Variants in GTF2F2 observed in about 807,000 individuals in gnomAD.
GTF2F2 encodes the protein general transcription factor IIF subunit 2, also known as ATP-dependent helicase GTF2F2.
Under a neutral mutation model 42.2 loss-of-function variants are expected in GTF2F2, and 23 were observed. That is an observed-to-expected ratio of 0.55 (90% CI 0.39 to 0.77). The LOEUF is 0.77. GTF2F2 is among the 30% of genes least tolerant of loss of function. The probability of loss-of-function intolerance (pLI) is 0.00; values close to 1 mark genes in which losing one functional copy is unlikely to be tolerated. For synonymous variants in GTF2F2, 105 were observed against 100.8 expected (o/e 1.04, Z -0.25); for missense variants, 261 against 287.2 (o/e 0.91, Z 0.66).
intron 5 of GTF2F2, among the ~76,000 whole-genome samples, chr13:45,249,224 A>G (rs1875771988): frequency 6.6e-6 from 1 of 152,204 alleles, no homozygotes; most frequent in Non-Finnish European, 1.5e-5. Context: ...AAAGCGAGTT[A>G]AAGTATTTTA....
chr13:45,144,227 T>C (rs1870077256), intron 2 of GTF2F2, among the ~76,000 whole-genome samples: 1 of 152,066 alleles, frequency 6.6e-6, no homozygotes, highest in Non-Finnish European at 1.5e-5. Flanking sequence ...CACTCCAGCT[T>C]GGTCAACAAG....
intron 2 of GTF2F2, among the ~76,000 whole-genome samples, chr13:45,139,116 G>A (rs1417417607): frequency 6.6e-6 from 1 of 152,152 alleles, no homozygotes; most frequent in Non-Finnish European, 1.5e-5. Context: ...AGAAGATTCT[G>A]AGCTTTAAGA....
chr13:45,238,258 A>G (rs1300497385), intron 5 of GTF2F2, among the ~76,000 whole-genome samples: 3 of 152,104 alleles, frequency 2.0e-5, no homozygotes, highest in East Asian at 1.9e-4. Flanking sequence ...CCCGGCCTGA[A>G]AAGTTTTTAA....
At chr13:45,147,992 A>G (rs1308304744) in intron 2 of GTF2F2, among the ~76,000 whole-genome samples, 3 of 152,060 alleles carry the variant, frequency 2.0e-5, no homozygotes, top group Non-Finnish European at 2.9e-5. Context: ...GTTGTTTATG[A>G]TTGGACGTGT....
intron 2 of GTF2F2, among the ~76,000 whole-genome samples, chr13:45,140,271 G>T (rs919263407): frequency 6.6e-6 from 1 of 152,076 alleles, no homozygotes; most frequent in Admixed American, 6.6e-5. Context: ...AATATTTTCA[G>T]TCTGCAGTTG....
At chr13:45,249,054 C>A (rs774526099) in intron 5 of GTF2F2, among the ~76,000 whole-genome samples, 21 of 152,052 alleles carry the variant, frequency 1.4e-4, no homozygotes, top group Non-Finnish European at 1.6e-4. Context: ...CCTAGATAAA[C>A]CTTACCTTGA....
In GTF2F2 at chr13:45,212,455, C is replaced by CTTTTCT. The variant is rs1555269184; in HGVS notation, c.386+4953_386+4954insTCTTTT. On this transcript the variant is annotated intron_variant, in intron 5 of 7. Transcript: ENST00000340473. ...TTCTTTCTTTCTTTCTTGTTTCTTT[C>CTTTTCT]TTTCTTTCTTTCTTTCTTTCTTTCT... Among the ~76,000 whole-genome samples the CTTTTCT allele has an allele frequency of 1.6e-3, 155 of 96,644 alleles. 7 individuals carry two copies. Among genetic ancestry groups the CTTTTCT allele is most frequent in the Non-Finnish European group, 2.2e-3 (104 of 47,104 alleles). 63.4% of individuals were successfully genotyped at this position (96,644 alleles called of 152,430 possible).
intron 5 of GTF2F2, among the ~76,000 whole-genome samples, chr13:45,228,785 C>T (rs111390663): frequency 0.013 from 1,990 of 150,270 alleles, 19 homozygotes; most frequent in Middle Eastern, 0.028. Context: ...ATTCTCCTGC[C>T]TCATCCTCCC....
At chr13:45,228,283 C>CCTTTTTT (rs1874468398) in intron 5 of GTF2F2, among the ~76,000 whole-genome samples, 1 of 92,708 alleles carries the variant, frequency 1.1e-5, no homozygotes, top group Non-Finnish European at 2.1e-5. Flanking sequence ...CAGAGTTAAT[C>CCTTTTTT]TTTTTTTTTT....
At chr13:45,234,349 A>G (rs1874840136) in intron 5 of GTF2F2, among the ~76,000 whole-genome samples, 1 of 151,976 alleles carries the variant, frequency 6.6e-6, no homozygotes, top group Admixed American at 6.6e-5. Flanking sequence ...CTAGCAGTGC[A>G]CATAAAATAA....
At chr13:45,193,866 A>C in intron 4 of GTF2F2, 2 of 1,614,144 alleles carry the variant, frequency 1.2e-6, no homozygotes, top group Non-Finnish European at 1.7e-6. Flanking sequence ...GTCTAAAGCC[A>C]CACTTTAAAG....
intron 4 of GTF2F2, among the ~76,000 whole-genome samples, chr13:45,202,440 G>GTGTGT (rs1566133778): frequency 9.2e-5 from 14 of 151,620 alleles, no homozygotes; most frequent in Admixed American, 5.3e-4. Context: ...CATCTGAGTG[G>GTGTGT]GTGTGTGTGT....
chr13:45,265,421 T>C (rs1258564169), intron 6 of GTF2F2, among the ~76,000 whole-genome samples: 1 of 152,174 alleles, frequency 6.6e-6, no homozygotes, highest in Non-Finnish European at 1.5e-5. Flanking sequence ...TCTAATCATT[T>C]TAATCCATTT....
intron 4 of GTF2F2, among the ~76,000 whole-genome samples, chr13:45,160,244 A>G (rs2138130916): frequency 6.6e-6 from 1 of 152,344 alleles, no homozygotes; most frequent in South Asian, 2.1e-4. Context: ...CTACTTCTGT[A>G]TTCAATCTGT....
chr13:45,259,579 T>TC, intron 6 of GTF2F2, among the ~76,000 whole-genome samples: 1 of 150,736 alleles, frequency 6.6e-6, no homozygotes, highest in Admixed American at 6.6e-5. Flanking sequence ...AGTTCTGCCA[T>TC]CTCCTGTTGA....
chr13:45,282,433 CTT>C (rs1374430526), intron 7 of GTF2F2, among the ~76,000 whole-genome samples: 5 of 152,222 alleles, frequency 3.3e-5, no homozygotes, highest in African/African-American at 9.6e-5. Flanking sequence ...TAATATGACT[CTT>C]TTCTTTGGAG....
At chr13:45,219,563 C>T (rs978626620) in intron 5 of GTF2F2, 2 of 152,224 alleles carry the variant, frequency 1.3e-5, no homozygotes, top group Admixed American at 6.5e-5. Context: ...AATTTAAAAG[C>T]GAACTTTGAT....
chr13:45,123,634 GAA>G (rs11429504), intron 1 of GTF2F2, among the ~76,000 whole-genome samples: 3 of 129,060 alleles, frequency 2.3e-5, no homozygotes, highest in African/African-American at 5.3e-5. Flanking sequence ...TATCTAAAAA[GAA>G]AAAAAAAAAA....
At chr13:45,252,054 G>C (rs9567535) in intron 5 of GTF2F2, among the ~76,000 whole-genome samples, 1 of 152,270 alleles carries the variant, frequency 6.6e-6, no homozygotes, top group East Asian at 1.9e-4. Context: ...AATATCCTAA[G>C]ATAGCTACTT....
Sources: allele counts gnomAD v4.1 joint callset (sites outside exome capture counted in the v4.1 genomes callset), GRCh38; gene constraint gnomAD v4.1.1; transcripts MANE v1.5; gene names NCBI Gene and HGNC (gene_info 2026-07-23, HGNC 2026-07-21).